KCNMA1: variants seen among roughly 807,000 people sequenced by gnomAD.
KCNMA1 encodes potassium calcium-activated channel subfamily M alpha 1.
KCNMA1 carries 29 observed loss-of-function variants against 140.0 expected under a neutral mutation model. The observed-to-expected ratio is 0.21, with a 90% CI of 0.15 to 0.28. The LOEUF is 0.28. KCNMA1 is among the 10% of genes least tolerant of loss of function. KCNMA1 has a pLI of 1.00. For missense variants in KCNMA1, 880 were observed against 1,602.2 expected (o/e 0.55, Z 7.70); for synonymous variants, 612 against 611.9 (o/e 1.00, Z 0.00).
At chr10:77,530,746 A>T (rs138209998) in intron 1 of KCNMA1, among the ~76,000 whole-genome samples, 215 of 152,002 alleles carry the variant, frequency 1.4e-3, no homozygotes, top group African/African-American at 4.9e-3. Context: ...AAATTCTGTC[A>T]TTCTCTCCCA....
intron 23 of KCNMA1, among the ~76,000 whole-genome samples, chr10:76,937,767 G>T (rs1049006163): frequency 1.3e-5 from 2 of 152,138 alleles, no homozygotes; most frequent in Non-Finnish European, 2.9e-5. Flanking sequence ...TACTTCCAAA[G>T]AAAAATGTCA....
intron 25 of KCNMA1, among the ~76,000 whole-genome samples, chr10:76,892,361 A>C (rs2040495378): frequency 2.0e-5 from 3 of 152,208 alleles, no homozygotes; most frequent in Admixed American, 1.3e-4. Flanking sequence ...CTTATTAAAG[A>C]AGTTTCCCTC....
intron 19 of KCNMA1, among the ~76,000 whole-genome samples, chr10:76,994,069 G>A (rs935269837): frequency 6.6e-6 from 1 of 152,130 alleles, no homozygotes; most frequent in African/African-American, 2.4e-5. Context: ...GGAGCCACAC[G>A]GCCTGTGTTG....
At chr10:77,074,719 T>C (rs551912096) in intron 13 of KCNMA1, among the ~76,000 whole-genome samples, 2 of 152,314 alleles carry the variant, frequency 1.3e-5, no homozygotes, top group South Asian at 4.1e-4. Flanking sequence ...CCTTAAAAAA[T>C]GAAAGGTCTT....
At chr10:77,191,912 C>T (rs2098941589) in intron 3 of KCNMA1, among the ~76,000 whole-genome samples, 1 of 152,078 alleles carries the variant, frequency 6.6e-6, no homozygotes, top group Non-Finnish European at 1.5e-5. Flanking sequence ...TGGCAGCAGG[C>T]TTCTAATTAT....
intron 14 of KCNMA1, among the ~76,000 whole-genome samples, chr10:77,070,422 C>T (rs2096151168): frequency 1.3e-5 from 2 of 152,084 alleles, no homozygotes; most frequent in Non-Finnish European, 1.5e-5. Context: ...GGGGTTCTGC[C>T]GCACCAAAAA....
intron 16 of KCNMA1, among the ~76,000 whole-genome samples, chr10:77,025,287 C>A (rs1325013619): frequency 1.8e-4 from 16 of 90,052 alleles, no homozygotes; most frequent in South Asian, 4.3e-4. Flanking sequence ...TATATACACA[C>A]ACACATATAT....
intron 3 of KCNMA1, among the ~76,000 whole-genome samples, chr10:77,230,026 G>T (rs2053043792): frequency 1.3e-5 from 2 of 152,102 alleles, no homozygotes; most frequent in Non-Finnish European, 2.9e-5. Context: ...ATAGCCAAAA[G>T]GTAGAAACAA....
At chr10:77,368,659 T>C (rs2094505028) in intron 2 of KCNMA1, among the ~76,000 whole-genome samples, 2 of 152,262 alleles carry the variant, frequency 1.3e-5, no homozygotes, top group East Asian at 3.8e-4. Context: ...CAAAGCTTTA[T>C]AGTTTTACAC....
At chr10:77,320,522 C>T (rs1027107073) in intron 2 of KCNMA1, among the ~76,000 whole-genome samples, 1 of 152,048 alleles carries the variant, frequency 6.6e-6, no homozygotes, top group Middle Eastern at 3.2e-3. Flanking sequence ...TGGGTCAAAC[C>T]CTTCTTGCCA....
intron 5 of KCNMA1, among the ~76,000 whole-genome samples, chr10:77,153,096 T>A (rs2574810): frequency 6.6e-6 from 1 of 152,086 alleles, no homozygotes; most frequent in African/African-American, 2.4e-5. Flanking sequence ...CATTAGCATA[T>A]GGAAGGCTCT....
At chr10:77,536,663 T>C (rs544997982) in intron 1 of KCNMA1, among the ~76,000 whole-genome samples, 22 of 152,238 alleles carry the variant, frequency 1.4e-4, no homozygotes, top group African/African-American at 5.1e-4. Flanking sequence ...GGGCAGGATG[T>C]TGGGGTTGGA....
intron 1 of KCNMA1, among the ~76,000 whole-genome samples, chr10:77,611,481 C>A (rs1377631858): frequency 6.6e-6 from 1 of 152,164 alleles, no homozygotes; most frequent in South Asian, 2.1e-4. Context: ...ACCTTTCCAA[C>A]TATATGAGTC....
intron 25 of KCNMA1, chr10:76,902,197 A>G (rs142604464): frequency 6.0e-4 from 91 of 152,356 alleles, no homozygotes; most frequent in African/African-American, 2.2e-3. Context: ...TCAAATGCCA[A>G]TTACCAAAGG....
chr10:77,557,565 T>A (rs1025280100), intron 1 of KCNMA1, among the ~76,000 whole-genome samples: 20 of 152,158 alleles, frequency 1.3e-4, no homozygotes, highest in Admixed American at 3.9e-4. Flanking sequence ...TATATTTTTT[T>A]AAAAAGTGGA....
chr10:77,124,384 T>G (rs2097689187), intron 5 of KCNMA1, among the ~76,000 whole-genome samples: 1 of 152,116 alleles, frequency 6.6e-6, no homozygotes, highest in African/African-American at 2.4e-5. Context: ...AGGAAAGAAA[T>G]GAATGCAGAG....
chr10:77,413,358 G>A (rs1004453745), intron 1 of KCNMA1, among the ~76,000 whole-genome samples: 5 of 151,952 alleles, frequency 3.3e-5, no homozygotes, highest in East Asian at 3.9e-4. Flanking sequence ...TGGGTCTTCC[G>A]TGTCCCCCCT....
chr10:77,470,119 G>C (rs1449549078), intron 1 of KCNMA1, among the ~76,000 whole-genome samples: 1 of 152,102 alleles, frequency 6.6e-6, no homozygotes, highest in East Asian at 1.9e-4. Context: ...GTAGGAATTT[G>C]GGGCTGAGGA....
chr10:77,022,209 G>A (rs1306354694), intron 16 of KCNMA1, among the ~76,000 whole-genome samples: 3 of 151,914 alleles, frequency 2.0e-5, no homozygotes, highest in Non-Finnish European at 2.9e-5. Flanking sequence ...CTCTCTGTGC[G>A]CCACTCTGAA....
Sources: allele counts gnomAD v4.1 joint callset (sites outside exome capture counted in the v4.1 genomes callset), GRCh38; gene constraint gnomAD v4.1.1; transcripts MANE v1.5; gene names NCBI Gene and HGNC (gene_info 2026-07-23, HGNC 2026-07-21).